Variants in ZC3H13 observed in about 807,000 individuals in gnomAD.
ZC3H13 encodes the protein zinc finger CCCH domain-containing protein 13.
A neutral mutation model predicts 204.1 loss-of-function variants in ZC3H13; 64 were observed. The ratio of observed to expected loss-of-function variants is 0.31; its 90% CI spans 0.26 to 0.39. The LOEUF is 0.39. Among genes scored for constraint, ZC3H13 ranks in the 10% least tolerant of loss-of-function variants. ZC3H13 has a pLI of 1.00. For synonymous variants in ZC3H13, 667 were observed against 693.7 expected (o/e 0.96, Z 0.60); for missense variants, 1,833 against 2,082.7 (o/e 0.88, Z 2.33).
chr13:45,985,095 G>T (rs533068841), intron 10 of ZC3H13, among the ~76,000 whole-genome samples: 1 of 152,058 alleles, frequency 6.6e-6, no homozygotes, highest in African/African-American at 2.4e-5. Context: ...ACTTAGGGGG[G>T]GTCTAGCTCA....
chr13:45,985,159 A>C, intron 10 of ZC3H13, 138 bp downstream of exon 10: 1 of 960,228 alleles, frequency 1.0e-6, no homozygotes, highest in Non-Finnish European at 1.5e-6. Context: ...GGAATTTATA[A>C]GGAAGACTAC....
rs374773951 is a variant in ZC3H13, at chr13:45,979,834, G to A, written c.1891C>T (p.Arg631Cys). ...SFERRHGERD[R>C]RDNRERDQRP... Reference sequence around the variant, plus strand: ...AAACCTCTCTCTCTGTTGTCACGACGGTCTCGCTCTCCATGTCTTCTCTCA... The same window carrying A: ...AAACCTCTCTCTCTGTTGTCACGACAGTCTCGCTCTCCATGTCTTCTCTCA... The change falls in exon 11 of 19, where the codon CGT becomes TGT. Residue 631 changes from arginine to cysteine, a missense_variant. Coordinates refer to ENST00000679008, the MANE Select transcript of ZC3H13 (RefSeq NM_001330564.2). The A allele has an allele frequency of 1.8e-5, 28 of 1,586,010 alleles. No homozygotes were observed. Among genetic ancestry groups the A allele is most frequent in the African/African-American group, 4.1e-5 (3 of 72,474 alleles).
rs530744254 is a variant in ZC3H13, at chr13:46,035,898, C to T, written c.339+6266G>A. Among the ~76,000 whole-genome samples the T allele has an allele frequency of 6.6e-5, 10 of 152,290 alleles. No individual in the cohort carries two copies. The South Asian group carries it at 1.7e-3, about 25-fold the overall frequency. ...AAAGTCCTCCACTGCAGGAGTCCTG[C>T]TAATTCTAACAGCTACAGTATTATC... is the stretch of plus-strand genomic sequence containing the variant. On this transcript the variant is annotated intron_variant, in intron 4 of 18. Transcript: ENST00000679008.
At chr13:46,027,111 T>A (rs1476836289) in intron 4 of ZC3H13, among the ~76,000 whole-genome samples, 2 of 152,192 alleles carry the variant, frequency 1.3e-5, no homozygotes, top group South Asian at 2.1e-4. Flanking sequence ...TTTTTTATTT[T>A]TTTTTATTTT....
At chr13:46,023,865 A>G (rs1434361670) in intron 4 of ZC3H13, among the ~76,000 whole-genome samples, 1 of 152,172 alleles carries the variant, frequency 6.6e-6, no homozygotes, top group Non-Finnish European at 1.5e-5. Context: ...ATAAGAAGCA[A>G]TCTGGGTCTC....
chr13:45,985,714 C>T lies in ZC3H13; in HGVS notation c.1303G>A (p.Glu435Lys). The T allele has an allele frequency of 6.2e-7, 1 of 1,613,476 alleles. No individual in the cohort carries two copies. The highest frequency in any genetic ancestry group is 8.5e-7 in the Non-Finnish European group (1 of 1,179,874). ...DREKDSREER[E>K]YEQDQSSSRD... is the part of the protein sequence containing the mutation. ...GAAGAGCTCTGATCCTGTTCATATT[C>T]TCGTTCTTCTCTTGAGTCCTTTTCT... Residue 435 changes from glutamate to lysine, a missense_variant, in exon 10 of 19, where the codon GAA becomes AAA. Physicochemically the swap from Glu to Lys is moderately conservative, Grantham distance 56. Transcript: ENST00000679008.
intron 4 of ZC3H13, among the ~76,000 whole-genome samples, chr13:46,039,259 A>G (rs1330981440): frequency 3.9e-5 from 6 of 152,166 alleles, no homozygotes; most frequent in Non-Finnish European, 8.8e-5. Context: ...TATTTGATGA[A>G]CATAAAAACC....
intron 5 of ZC3H13, among the ~76,000 whole-genome samples, chr13:46,017,465 T>C (rs2041979205): frequency 6.6e-6 from 1 of 151,312 alleles, no homozygotes; most frequent in Admixed American, 6.6e-5. Context: ...ATTTGCAAAA[T>C]GATGCAAAAC....
At chr13:45,990,724 G>GA (rs1377576837) in intron 8 of ZC3H13, among the ~76,000 whole-genome samples, 1 of 150,892 alleles carries the variant, frequency 6.6e-6, no homozygotes, top group Non-Finnish European at 1.5e-5. Flanking sequence ...CTACTGAACA[G>GA]AAAAATCACT....
At chr13:46,020,167 C>T (rs755332542) in intron 5 of ZC3H13, among the ~76,000 whole-genome samples, 7 of 152,048 alleles carry the variant, frequency 4.6e-5, no homozygotes, top group Non-Finnish European at 1.0e-4. Flanking sequence ...TTTAAATTTA[C>T]ATATGCAATA....
intron 18 of ZC3H13, among the ~76,000 whole-genome samples, chr13:45,957,524 T>C (rs1202456179): frequency 1.3e-5 from 2 of 152,218 alleles, no homozygotes; most frequent in African/African-American, 4.8e-5. Context: ...TTGCTTAAAG[T>C]AGGAATCCTC....
In ZC3H13 at chr13:45,985,299, T is replaced by C; in HGVS notation, c.1718A>G (p.Lys573Arg). ...CATAGACAAGTCAAAAACCTTACCCTTTTCAGGTAACTCAGGAACCCTCCC... is the reference window on the plus strand; with the variant it reads ...CATAGACAAGTCAAAAACCTTACCCCTTTCAGGTAACTCAGGAACCCTCCC... The part of the protein sequence containing the change: ...SRGRVPELPE[K>R]GSRGSRGSQI... The change falls in exon 10 of 19, where the codon AAG becomes AGG. Residue 573 changes from lysine to arginine, a missense_variant and splice_region_variant. Coordinates refer to ENST00000679008, the MANE Select transcript of ZC3H13 (RefSeq NM_001330564.2). The C allele has an allele frequency of 6.2e-7, 1 of 1,608,802 alleles. No homozygotes were observed. The highest frequency in any genetic ancestry group is 8.5e-7 in the Non-Finnish European group (1 of 1,177,562).
At chr13:45,991,392 T>TGGGTTGTCAA (rs920237363) in intron 8 of ZC3H13, among the ~76,000 whole-genome samples, 1 of 152,180 alleles carries the variant, frequency 6.6e-6, no homozygotes, top group African/African-American at 2.4e-5. Flanking sequence ...AGAACACTAA[T>TGGGTTGTCAA]GGGTTGTCAA....
intron 12 of ZC3H13, among the ~76,000 whole-genome samples, chr13:45,973,965 C>T (rs991685573): frequency 6.6e-6 from 1 of 152,206 alleles, no homozygotes; most frequent in African/African-American, 2.4e-5. Context: ...GAAAGTTCTA[C>T]TTCTGTGCTG....
intron 4 of ZC3H13, among the ~76,000 whole-genome samples, chr13:46,038,850 A>G (rs747006737): frequency 1.3e-5 from 2 of 152,064 alleles, no homozygotes; most frequent in African/African-American, 2.4e-5. Context: ...GTGAAACCCC[A>G]TTTCTACTGA....
chr13:45,969,485 T>G lies in ZC3H13; in HGVS notation c.3059A>C (p.Glu1020Ala), dbSNP rs1175637214. ...SKGDSDISDE[E>A]AAQQSKKKRG... Reference sequence around the variant, plus strand: ...TTTCTTCTTACTTTGCTGGGCTGCTTCTTCATCAGAAATATCAGAATCACC... The same window carrying G: ...TTTCTTCTTACTTTGCTGGGCTGCTGCTTCATCAGAAATATCAGAATCACC... Residue 1020 changes from glutamate to alanine, a missense_variant, in exon 14 of 19, where the codon GAA (glutamate) becomes GCA (alanine). Physicochemically the swap from Glu to Ala is moderately radical, Grantham distance 107 (BLOSUM62 -1). Coordinates refer to ENST00000679008, the MANE Select transcript of ZC3H13 (RefSeq NM_001330564.2). 1 of 1,610,040 alleles carries G rather than the reference T, an allele frequency of 6.2e-7. No homozygotes were observed.
At chr13:46,038,371 TACTC>T (rs2043344651) in intron 4 of ZC3H13, among the ~76,000 whole-genome samples, 1 of 152,200 alleles carries the variant, frequency 6.6e-6, no homozygotes, top group Non-Finnish European at 1.5e-5. Flanking sequence ...GGTAATTACT[TACTC>T]TCTCCATTGT....
At position 45,979,884 on chromosome 13, in the gene ZC3H13, C is replaced by T. The variant is rs751733042; in HGVS notation, c.1841G>A (p.Arg614Lys). The part of the protein sequence containing the change: ...ERDRYPERDN[R>K]DQARDSSFER... The stretch of plus-strand genomic sequence containing the variant: ...AAAGGAAGAATCCCTTGCTTGATCT[C>T]TGTTGTCTCTTTCAGGATATCTATC... The change falls in exon 11 of 19, where the codon AGA becomes AAA. Residue 614 changes from arginine (R) to lysine (K), a missense_variant. Physicochemically the swap from Arg to Lys is conservative, Grantham distance 26 (BLOSUM62 2). This residue lies in a region of ZC3H13 where 1,574 missense variants were observed against 1,757.2 expected (regional missense o/e 0.90). Transcript: ENST00000679008. 1.2e-6 allele frequency: 2 copies of T among 1,611,070 alleles called. No individual in the cohort carries two copies. The highest frequency in any genetic ancestry group is 1.7e-6 in the Non-Finnish European group (2 of 1,178,492).
At chr13:46,016,913 G>A (rs1271250229) in intron 5 of ZC3H13, among the ~76,000 whole-genome samples, 5 of 152,152 alleles carry the variant, frequency 3.3e-5, no homozygotes, top group African/African-American at 1.2e-4. Context: ...GAAACAGATG[G>A]TTTTCAATGG....
Sources: allele counts gnomAD v4.1 joint callset (sites outside exome capture counted in the v4.1 genomes callset), GRCh38; gene constraint gnomAD v4.1.1; regional missense constraint gnomAD v4.1.1; transcripts MANE v1.5; gene names NCBI Gene and HGNC (gene_info 2026-07-23, HGNC 2026-07-21).